The following GRIA3 variants were observed in gnomAD, a reference collection of about 807,000 sequenced individuals.
GRIA3 encodes the protein glutamate ionotropic receptor AMPA type subunit 3, also known as glutamate receptor 3.
A neutral mutation model predicts 63.0 loss-of-function variants in GRIA3; 3 were observed. The observed-to-expected ratio is 0.05, with a 90% CI of 0.02 to 0.12. The LOEUF (loss-of-function observed/expected upper bound fraction) is 0.12, where lower values mean the gene tolerates loss of function less well. GRIA3 is among the 10% of genes least tolerant of loss of function. The pLI is 1.00. For missense variants in GRIA3, 347 were observed against 700.9 expected (o/e 0.50, Z 5.70); for synonymous variants, 274 against 257.9 (o/e 1.06, Z -0.60).
intron 5 of GRIA3, among the ~76,000 whole-genome samples, chrX:123,376,008 A>G (rs1402796796): frequency 8.9e-6 from 1 of 112,313 alleles, no homozygotes; most frequent in African/African-American, 3.2e-5. Flanking sequence ...AAGTGTTGTC[A>G]TAGGCAATAA....
intron 13 of GRIA3, among the ~76,000 whole-genome samples, chrX:123,468,278 T>C (rs747099490): frequency 2.8e-5 from 3 of 108,554 alleles, no homozygotes; most frequent in Non-Finnish European, 5.7e-5. Flanking sequence ...CACTACGTAT[T>C]AGTGATGCAA....
chrX:123,202,498 C>A, intron 2 of GRIA3: 1 of 567,626 alleles, frequency 1.8e-6, no homozygotes, highest in Non-Finnish European at 2.7e-6. Context: ...GCTGCCTTCC[C>A]CAGCTGCCAC....
chrX:123,222,555 C>T (rs967834717), intron 2 of GRIA3, among the ~76,000 whole-genome samples: 4 of 111,837 alleles, frequency 3.6e-5, no homozygotes, highest in African/African-American at 9.8e-5. Context: ...TAAAATTAAT[C>T]GTATTTAGCT....
chrX:123,348,227 G>T (rs765943649), intron 4 of GRIA3, among the ~76,000 whole-genome samples: 3 of 111,165 alleles, frequency 2.7e-5, no homozygotes, highest in African/African-American at 9.8e-5. Context: ...TTAGAATAAG[G>T]GTGTCAATAT....
intron 5 of GRIA3, among the ~76,000 whole-genome samples, chrX:123,357,067 T>C (rs1211900014): frequency 1.8e-5 from 2 of 111,594 alleles, no homozygotes; most frequent in Non-Finnish European, 3.8e-5. Context: ...GACTGTGCTG[T>C]AGCATTGATA....
At chrX:123,266,909 T>C (rs1449722028) in intron 3 of GRIA3, among the ~76,000 whole-genome samples, 1 of 110,428 alleles carries the variant, frequency 9.1e-6, no homozygotes, top group East Asian at 2.9e-4. Flanking sequence ...TGGTAAATGA[T>C]ATATCTTCGA....
At chrX:123,258,290 T>G (rs777707470) in intron 3 of GRIA3, among the ~76,000 whole-genome samples, 1 of 112,809 alleles carries the variant, frequency 8.9e-6, no homozygotes, top group Admixed American at 9.3e-5. Flanking sequence ...CTAATTTATC[T>G]ATGACTATTA....
At chrX:123,485,269 A>G (rs745946270) in intron 15 of GRIA3, among the ~76,000 whole-genome samples, 17 of 112,232 alleles carry the variant, frequency 1.5e-4, no homozygotes, top group Non-Finnish European at 3.0e-4. Flanking sequence ...CTGGCCTCCA[A>G]ATAAATAATA....
chrX:123,471,243 T>C (rs1038655913), intron 13 of GRIA3, among the ~76,000 whole-genome samples: 2 of 111,811 alleles, frequency 1.8e-5, no homozygotes, highest in African/African-American at 6.5e-5. Flanking sequence ...CCTTAAGAAC[T>C]GAACCAGTCC....
chrX:123,477,313 C>G (rs1468107562), intron 13 of GRIA3, among the ~76,000 whole-genome samples: 1 of 112,278 alleles, frequency 8.9e-6, no homozygotes, highest in African/African-American at 3.2e-5. Flanking sequence ...TTCATTGATT[C>G]ATTTTAAAAA....
intron 4 of GRIA3, among the ~76,000 whole-genome samples, chrX:123,343,617 G>A (rs1239790950): frequency 9.1e-6 from 1 of 110,173 alleles, no homozygotes; most frequent in East Asian, 2.9e-4. Flanking sequence ...GAGAGAGAGA[G>A]ATTGAGCATC....
chrX:123,328,295 T>C (rs995625747), intron 4 of GRIA3, among the ~76,000 whole-genome samples: 3 of 111,967 alleles, frequency 2.7e-5, no homozygotes, highest in African/African-American at 9.7e-5. Flanking sequence ...AAAACAATCA[T>C]TATTACTAGA....
chrX:123,472,021 A>G (rs1199270937), intron 13 of GRIA3, among the ~76,000 whole-genome samples: 1 of 79,380 alleles, frequency 1.3e-5, no homozygotes, highest in Non-Finnish European at 2.5e-5. Flanking sequence ...ATATATATAT[A>G]TGACTATTTG....
chrX:123,320,685 A>G (rs1174498656), intron 3 of GRIA3, among the ~76,000 whole-genome samples: 2 of 112,330 alleles, frequency 1.8e-5, no homozygotes, highest in Non-Finnish European at 3.8e-5. Context: ...AGTAAGTTGG[A>G]CATGATGCAC....
intron 5 of GRIA3, among the ~76,000 whole-genome samples, chrX:123,391,997 G>A (rs1364463648): frequency 8.9e-6 from 1 of 111,994 alleles, no homozygotes; most frequent in Non-Finnish European, 1.9e-5. Flanking sequence ...GTAGAGCCAG[G>A]CCATCTGGTG....
At chrX:123,198,059 C>T (rs746101962) in intron 2 of GRIA3, among the ~76,000 whole-genome samples, 28 of 112,063 alleles carry the variant, frequency 2.5e-4, no homozygotes, top group African/African-American at 8.8e-4. Context: ...ATGGCACATA[C>T]CTATTTCTTT....
At chrX:123,459,038 A>G (rs557762) in intron 12 of GRIA3, among the ~76,000 whole-genome samples, 37,579 of 110,751 alleles carry the variant, frequency 0.34, 5,830 homozygotes, top group African/African-American at 0.61. Context: ...ATAAAGATAT[A>G]TAATGTTTTT....
At chrX:123,217,347 GA>G (rs760982239) in intron 2 of GRIA3, among the ~76,000 whole-genome samples, 1 of 111,541 alleles carries the variant, frequency 9.0e-6, no homozygotes, top group Non-Finnish European at 1.9e-5. Flanking sequence ...GAGGGTGGAG[GA>G]AAGAAGCAAC....
At chrX:123,371,333 T>C (rs1490184711) in intron 5 of GRIA3, among the ~76,000 whole-genome samples, 1 of 110,573 alleles carries the variant, frequency 9.0e-6, no homozygotes, top group East Asian at 2.8e-4. Context: ...TGAACACTGC[T>C]GCAACAAACA....
Sources: allele counts gnomAD v4.1 joint callset (sites outside exome capture counted in the v4.1 genomes callset), GRCh38; gene constraint gnomAD v4.1.1; transcripts MANE v1.5; gene names NCBI Gene and HGNC (gene_info 2026-07-23, HGNC 2026-07-21).